NCOR1: variants seen among roughly 807,000 people sequenced by gnomAD.
NCOR1 encodes nuclear receptor corepressor 1, also known as protein phosphatase 1, regulatory subunit 109.
NCOR1 carries 63 observed loss-of-function variants against 288.1 expected under a neutral mutation model. The ratio of observed to expected loss-of-function variants is 0.22; its 90% confidence interval spans 0.18 to 0.27. NCOR1 has a LOEUF of 0.27. Among genes scored for constraint, NCOR1 ranks in the 10% least tolerant of loss-of-function variants. NCOR1 has a pLI of 1.00. For synonymous variants in NCOR1, 1,007 were observed against 1,065.9 expected (o/e 0.94, Z 1.08); for missense variants, 2,397 against 3,019.2 (o/e 0.79, Z 4.83).
At chr17:16,113,338 C>A (rs576695923) in intron 18 of NCOR1, among the ~76,000 whole-genome samples, 1 of 151,930 alleles carries the variant, frequency 6.6e-6, no homozygotes, top group African/African-American at 2.4e-5. Context: ...AGAGACAGCA[C>A]AATTCTCAAG....
chr17:16,126,739 G>A (rs1296442059), intron 14 of NCOR1, among the ~76,000 whole-genome samples: 5 of 152,122 alleles, frequency 3.3e-5, no homozygotes, highest in Admixed American at 3.3e-4. Flanking sequence ...GCTATAATAA[G>A]GTGAAAAGAA....
intron 44 of NCOR1, among the ~76,000 whole-genome samples, chr17:16,038,467 C>T (rs1267938275): frequency 2.0e-5 from 3 of 151,194 alleles, no homozygotes; most frequent in Admixed American, 6.6e-5. Context: ...GACAGGGTCT[C>T]ACTTTGTCAC....
At chr17:16,058,329 G>C (rs1332469656) in intron 38 of NCOR1, 142 bp downstream of exon 38, 1 of 1,088,054 alleles carries the variant, frequency 9.2e-7, no homozygotes, top group Non-Finnish European at 1.3e-6. Flanking sequence ...AGAATCGATT[G>C]CTGTTTCTAA....
Position 16,091,504 on chromosome 17 carries a change from C to T in NCOR1, c.3016+359G>A. On this transcript the variant is annotated intron_variant, in intron 22 of 45. Coordinates refer to ENST00000268712, the MANE Select transcript of NCOR1 (RefSeq NM_006311.4). ...CATCTACCAGAGAATGTGAATATTA[C>T]ACTGTAATACTTGAAGGTGATTTGC... The T allele has an allele frequency of 4.1e-6, 4 of 967,224 alleles. No individual in the cohort carries two copies. In the South Asian group the frequency reaches 1.2e-4, roughly 28 times the overall value. The allele number at this position is 967,224 out of a possible 1,614,324, so 59.9% of individuals were successfully genotyped here. A position where few individuals can be genotyped will look rare whatever the true frequency, so the allele number is the denominator to read the frequency against.
intron 45 of NCOR1, among the ~76,000 whole-genome samples, chr17:16,034,132 C>G (rs1281246808): frequency 6.6e-6 from 1 of 152,174 alleles, no homozygotes; most frequent in East Asian, 1.9e-4. Context: ...AGGTACAGTT[C>G]TCAAAAGAAC....
At chr17:16,206,738 T>C (rs1477181615) in intron 1 of NCOR1, among the ~76,000 whole-genome samples, 1 of 152,128 alleles carries the variant, frequency 6.6e-6, no homozygotes, top group African/African-American at 2.4e-5. Flanking sequence ...CTGTTAATGA[T>C]TGATAGAGGT....
rs2067627232 is a variant in NCOR1, at chr17:16,101,509, A to G, written c.2431T>C (p.Cys811Arg). 9 of 1,614,050 alleles carry G rather than the reference A, an allele frequency of 5.6e-6. No homozygotes were observed. Among genetic ancestry groups the G allele is most frequent in the Non-Finnish European group, 7.6e-6 (9 of 1,180,038 alleles). The change falls in exon 20 of 46, where the codon TGT becomes CGT. Residue 811 changes from cysteine to arginine, a missense_variant. Cys to Arg is a radical substitution (Grantham distance 180, BLOSUM62 -3). Around this residue, in one of 11 missense-constraint regions of NCOR1, gnomAD observed 1,872 missense variants for 2,187.8 expected, o/e 0.86. Coordinates refer to ENST00000268712, the MANE Select transcript of NCOR1 (RefSeq NM_006311.4). ...QEHSAEEGSV[C>R]DPPPATKADS... is the part of the protein sequence containing the mutation. Reference sequence around the variant, plus strand: ...GCTTTGGTAGCGGGTGGGGGATCACAAACAGAACCCTCTTCAGCACTGTGC... The same window carrying G: ...GCTTTGGTAGCGGGTGGGGGATCACGAACAGAACCCTCTTCAGCACTGTGC...
At chr17:16,171,654 T>C (rs542688441) in intron 4 of NCOR1, 149 bp downstream of exon 4, 4 of 597,432 alleles carry the variant, frequency 6.7e-6, no homozygotes, top group South Asian at 5.1e-5. Flanking sequence ...CTGTGGTTTC[T>C]AGTTTTGTTT....
rs1413783912 is a variant in NCOR1, at chr17:16,138,203, C to T, written c.1362G>A (p.Gln454=). The T allele has an allele frequency of 1.2e-6, 2 of 1,611,720 alleles. No individual in the cohort carries two copies. The highest frequency in any genetic ancestry group is 8.5e-7 in the Non-Finnish European group (1 of 1,178,768). ...CAATTAGTCCAAAGTTTTTTGGATGCTGGATAAACCTGAGTGAAAACGAAA... is the reference window on the plus strand; with the variant it reads ...CAATTAGTCCAAAGTTTTTTGGATGTTGGATAAACCTGAGTGAAAACGAAA... ...EKEIFKDKFI[Q]HPKNFGLIAS... is the part of the protein sequence containing the mutation. The change falls in exon 13 of 46, where the codon CAG becomes CAA. Residue 454 remains glutamine, a synonymous_variant. Transcript: ENST00000268712.
At chr17:16,106,115 A>C (rs547823568) in intron 19 of NCOR1, among the ~76,000 whole-genome samples, 39 of 152,276 alleles carry the variant, frequency 2.6e-4, no homozygotes, top group South Asian at 4.1e-4. Context: ...ACAAACAAAC[A>C]AACCAACAAA....
At position 16,186,419 on chromosome 17, in the gene NCOR1, A is replaced by G. The variant is rs143585802; in HGVS notation, c.242+135T>C. Reference sequence around the variant, plus strand: ...TGTTAACTATTGCAACCAACCAACAAAAAAGAACTCAAAATGCAAACTATA... The same window carrying G: ...TGTTAACTATTGCAACCAACCAACAGAAAAGAACTCAAAATGCAAACTATA... On this transcript the variant is annotated intron_variant, in intron 3 of 45. Coordinates refer to ENST00000268712, the MANE Select transcript of NCOR1 (RefSeq NM_006311.4). The G allele has an allele frequency of 3.6e-5, 34 of 936,794 alleles. No individual in the cohort carries two copies. In the East Asian group the frequency reaches 8.7e-4, roughly 24 times the overall value. The allele number at this position is 936,794 out of a possible 1,614,324, so 58.0% of individuals were successfully genotyped here. A position where few individuals can be genotyped will look rare whatever the true frequency, so the allele number is the denominator to read the frequency against.
chr17:16,040,683 C>T (rs1188995340), intron 42 of NCOR1, 189 bp from the exon 43 acceptor site: 1 of 618,522 alleles, frequency 1.6e-6, no homozygotes, highest in Non-Finnish European at 2.9e-6. Flanking sequence ...CACTCTGTTG[C>T]CCAGGCTATT....
At chr17:16,154,701 G>C (rs1056416997) in intron 6 of NCOR1, among the ~76,000 whole-genome samples, 2 of 152,206 alleles carry the variant, frequency 1.3e-5, no homozygotes, top group Non-Finnish European at 2.9e-5. Flanking sequence ...TCTGTATAAA[G>C]TGGGAAATCA....
intron 42 of NCOR1, chr17:16,044,720 G>A: frequency 1.4e-6 from 1 of 729,290 alleles, no homozygotes. Context: ...CCTCGTTAAA[G>A]CAGCTGGTGT....
At chr17:16,059,434 C>G (rs566398529) in intron 37 of NCOR1, among the ~76,000 whole-genome samples, 16 of 152,138 alleles carry the variant, frequency 1.1e-4, no homozygotes, top group Admixed American at 9.2e-4. Context: ...GTGAAAATAA[C>G]CAGAAATGGT....
intron 2 of NCOR1, among the ~76,000 whole-genome samples, chr17:16,191,656 G>T (rs74468026): frequency 5.3e-5 from 8 of 152,020 alleles, no homozygotes; most frequent in Admixed American, 2.0e-4. Context: ...GGAATAACAT[G>T]CAACATGAGT....
At chr17:16,180,040 A>T (rs758505699) in intron 3 of NCOR1, among the ~76,000 whole-genome samples, 4 of 151,868 alleles carry the variant, frequency 2.6e-5, no homozygotes, top group Non-Finnish European at 5.9e-5. Context: ...ATTACAAACC[A>T]CTAGCAAGTG....
At chr17:16,116,285 A>T (rs1482283318) in intron 18 of NCOR1, among the ~76,000 whole-genome samples, 1 of 152,198 alleles carries the variant, frequency 6.6e-6, no homozygotes, top group Non-Finnish European at 1.5e-5. Context: ...ACCATATCAC[A>T]TTATAACATC....
chr17:16,157,615 C>A (rs1406630835), intron 6 of NCOR1, among the ~76,000 whole-genome samples: 2 of 152,118 alleles, frequency 1.3e-5, no homozygotes, highest in African/African-American at 2.4e-5. Context: ...ACAGATGAAT[C>A]CACTCACTAC....
Sources: allele counts gnomAD v4.1 joint callset (sites outside exome capture counted in the v4.1 genomes callset), GRCh38; gene constraint gnomAD v4.1.1; regional missense constraint gnomAD v4.1.1; transcripts MANE v1.5; gene names NCBI Gene and HGNC (gene_info 2026-07-23, HGNC 2026-07-21).